Variants in PRTFDC1 observed in about 807,000 individuals in gnomAD.
PRTFDC1 encodes phosphoribosyltransferase domain-containing protein 1.
In PRTFDC1, 38 loss-of-function variants were observed where a neutral mutation model predicts 34.6. That is an observed-to-expected ratio of 1.10 (90% CI 0.85 to 1.44). The LOEUF is 1.44. Ranked by LOEUF, PRTFDC1 falls within the 40% of genes most tolerant of loss-of-function variation. The pLI, the probability that PRTFDC1 is intolerant of heterozygous loss-of-function variation, is 0.00. For synonymous variants in PRTFDC1, 93 were observed against 98.1 expected (o/e 0.95, Z 0.31); for missense variants, 270 against 283.0 (o/e 0.95, Z 0.33).
At chr10:24,934,933 T>G (rs1849026805) in intron 3 of PRTFDC1, among the ~76,000 whole-genome samples, 1 of 152,206 alleles carries the variant, frequency 6.6e-6, no homozygotes, top group African/African-American at 2.4e-5. Context: ...ATGCATTATG[T>G]TATGATTTAG....
In PRTFDC1 at chr10:24,922,557, C is replaced by T. The variant is rs192291975; in HGVS notation, c.339+14627G>A. ...ATAAAGGAGAGTTCCCCTGCATATG[C>T]CCTCTTGCCTGCCACCATGTAAGAT... On this transcript the variant is annotated intron_variant, in intron 3 of 8. Transcript: ENST00000320152. Among the ~76,000 whole-genome samples the T allele has an allele frequency of 5.3e-5, 8 of 152,264 alleles. No homozygotes were observed. The East Asian group carries it at 1.5e-3, about 29-fold the overall frequency.
At chr10:24,929,106 A>G in intron 3 of PRTFDC1, among the ~76,000 whole-genome samples, 1 of 150,440 alleles carries the variant, frequency 6.6e-6, no homozygotes, top group East Asian at 2.0e-4. Flanking sequence ...CACCCTTGCT[A>G]CTTGGAAACA....
At chr10:24,939,547 C>G (rs1172559792) in intron 2 of PRTFDC1, among the ~76,000 whole-genome samples, 1 of 151,796 alleles carries the variant, frequency 6.6e-6, no homozygotes, top group South Asian at 2.1e-4. Context: ...AATCCCAGCA[C>G]TTTGGGAGGC....
rs527653769 is a variant in PRTFDC1, at chr10:24,915,532, G to T, written c.339+21652C>A. Among the ~76,000 whole-genome samples the T allele has an allele frequency of 4.3e-4, 65 of 152,290 alleles. No individual in the cohort carries two copies. The South Asian group carries it at 6.4e-3, about 15-fold the overall frequency. On this transcript the variant is annotated intron_variant, in intron 3 of 8. Coordinates refer to ENST00000320152, the MANE Select transcript of PRTFDC1 (RefSeq NM_020200.7). ...TTCACTCCACTTCCCATAACTGGGT[G>T]TCCAGAGAGGCTGCTACTGCTGACA...
At chr10:24,869,909 C>T (rs912378726) in intron 4 of PRTFDC1, among the ~76,000 whole-genome samples, 3 of 152,192 alleles carry the variant, frequency 2.0e-5, no homozygotes, top group African/African-American at 7.2e-5. Context: ...AGACTTCTTT[C>T]TAATTTCTAT....
rs530131366 is a variant in PRTFDC1, at chr10:24,894,055, G to C, written c.340-21992C>G. On this transcript the variant is annotated intron_variant, in intron 3 of 8. Coordinates refer to ENST00000320152, the MANE Select transcript of PRTFDC1 (RefSeq NM_020200.7). Reference sequence around the variant, plus strand: ...GTGTGAAAATAGGACTTCATTGGCCGGGCGCGGTGGCTCACGCCTGTAATC... The same window carrying C: ...GTGTGAAAATAGGACTTCATTGGCCCGGCGCGGTGGCTCACGCCTGTAATC... Among the ~76,000 whole-genome samples the C allele has an allele frequency of 2.4e-4, 36 of 152,288 alleles. No individual in the cohort carries two copies. In the South Asian group the frequency reaches 7.5e-3, roughly 32 times the overall value.
At chr10:24,867,112 G>A (rs1565259715) in intron 4 of PRTFDC1, among the ~76,000 whole-genome samples, 2 of 151,964 alleles carry the variant, frequency 1.3e-5, no homozygotes, top group Non-Finnish European at 2.9e-5. Flanking sequence ...GTCTTCAAGG[G>A]CTCCAGAAGT....
At chr10:24,949,246 T>A (rs892176070) in intron 1 of PRTFDC1, among the ~76,000 whole-genome samples, 19 of 152,038 alleles carry the variant, frequency 1.2e-4, no homozygotes, top group African/African-American at 4.6e-4. Context: ...TGCACCACCA[T>A]GCCTGGCTAA....
chr10:24,904,838 C>A (rs1378915061), intron 3 of PRTFDC1, among the ~76,000 whole-genome samples: 1 of 152,194 alleles, frequency 6.6e-6, no homozygotes, highest in African/African-American at 2.4e-5. Flanking sequence ...AACCCCATTT[C>A]ATATTCCCTA....
chr10:24,939,719 G>A (rs560393628), intron 2 of PRTFDC1, among the ~76,000 whole-genome samples: 2 of 149,866 alleles, frequency 1.3e-5, no homozygotes, highest in Middle Eastern at 6.8e-3. Flanking sequence ...ACTTGAACCC[G>A]GGAGTTGGAG....
At chr10:24,907,074 C>A (rs1024897836) in intron 3 of PRTFDC1, among the ~76,000 whole-genome samples, 2 of 151,986 alleles carry the variant, frequency 1.3e-5, no homozygotes, top group Non-Finnish European at 1.5e-5. Context: ...GGGCCAGGTG[C>A]GGTGGCTCAC....
At chr10:24,879,961 C>A (rs1353498762) in intron 3 of PRTFDC1, among the ~76,000 whole-genome samples, 1 of 152,114 alleles carries the variant, frequency 6.6e-6, no homozygotes, top group Non-Finnish European at 1.5e-5. Flanking sequence ...GGAGACCAAG[C>A]GAACAGGCAG....
chr10:24,895,608 G>A (rs1848342039), intron 3 of PRTFDC1, among the ~76,000 whole-genome samples: 1 of 148,516 alleles, frequency 6.7e-6, no homozygotes, highest in Non-Finnish European at 1.5e-5. Flanking sequence ...TGCATGAACG[G>A]CCTTGCTTAG....
chr10:24,879,691 T>C (rs1463039969), intron 3 of PRTFDC1, among the ~76,000 whole-genome samples: 1 of 152,156 alleles, frequency 6.6e-6, no homozygotes, highest in Non-Finnish European at 1.5e-5. Flanking sequence ...GGAAATGTTC[T>C]GCTACCAAAA....
chr10:24,926,369 G>C (rs1051541612), intron 3 of PRTFDC1, among the ~76,000 whole-genome samples: 11 of 152,172 alleles, frequency 7.2e-5, no homozygotes, highest in African/African-American at 2.2e-4. Flanking sequence ...AGTTCTGAAG[G>C]CTGTGATCTT....
chr10:24,925,607 C>G (rs981241272), intron 3 of PRTFDC1, among the ~76,000 whole-genome samples: 89 of 152,266 alleles, frequency 5.8e-4, no homozygotes, highest in African/African-American at 2.1e-3. Context: ...ATGGGACCAG[C>G]AAGCTTTCAA....
chr10:24,857,252 T>C (rs1847595022), intron 5 of PRTFDC1, among the ~76,000 whole-genome samples: 1 of 152,294 alleles, frequency 6.6e-6, no homozygotes, highest in East Asian at 1.9e-4. Flanking sequence ...ATTTAGTCTT[T>C]GGACAGCATG....
At chr10:24,921,124 G>A (rs1246302764) in intron 3 of PRTFDC1, among the ~76,000 whole-genome samples, 1 of 152,074 alleles carries the variant, frequency 6.6e-6, no homozygotes, top group African/African-American at 2.4e-5. Flanking sequence ...AAAAACAAAG[G>A]TGTCATTATC....
intron 3 of PRTFDC1, among the ~76,000 whole-genome samples, chr10:24,920,261 T>C (rs1038293415): frequency 4.6e-5 from 7 of 151,702 alleles, no homozygotes; most frequent in Middle Eastern, 3.4e-3. Flanking sequence ...ATAAATAAAA[T>C]GTTATATATA....
Sources: gnomAD v4.1 joint callset for allele counts (sites outside exome capture counted in the v4.1 genomes callset) on GRCh38, gnomAD v4.1.1 for gene constraint, MANE v1.5 for transcripts, NCBI Gene and HGNC (gene_info 2026-07-23, HGNC 2026-07-21) for gene names.